The following SLC26A5 variants were observed in gnomAD, a reference collection of about 807,000 sequenced individuals.
SLC26A5 encodes the protein solute carrier family 26 member 5.
A neutral mutation model predicts 81.0 loss-of-function variants in SLC26A5; 51 were observed. The observed-to-expected ratio is 0.63, with a 90% CI of 0.50 to 0.80. The LOEUF (loss-of-function observed/expected upper bound fraction) is 0.80, where lower values mean the gene tolerates loss of function less well. Ranked by LOEUF, SLC26A5 falls within the 30% of genes least tolerant of loss-of-function variation. The pLI is 0.00. For synonymous variants in SLC26A5, 325 were observed against 332.8 expected (o/e 0.98, Z 0.25); for missense variants, 771 against 905.8 (o/e 0.85, Z 1.91).
At chr7:103,408,803 G>C (rs951884125) in intron 7 of SLC26A5, among the ~76,000 whole-genome samples, 8 of 152,008 alleles carry the variant, frequency 5.3e-5, no homozygotes, top group African/African-American at 1.9e-4. Flanking sequence ...TTATATCCTA[G>C]GGTTACCAAC....
intron 4 of SLC26A5, among the ~76,000 whole-genome samples, chr7:103,415,288 A>G (rs533180227): frequency 6.6e-6 from 1 of 152,342 alleles, no homozygotes; most frequent in African/African-American, 2.4e-5. Context: ...GGCTCTCTGG[A>G]AGAGCCAGCT....
At chr7:103,360,941 G>A (rs571466818) in intron 19 of SLC26A5, among the ~76,000 whole-genome samples, 3 of 151,560 alleles carry the variant, frequency 2.0e-5, no homozygotes, top group South Asian at 2.1e-4. Flanking sequence ...GTGAAACCCC[G>A]TATATATTAA....
downstream of SLC26A5, among the ~76,000 whole-genome samples, chr7:103,369,862 C>T (rs192558563): frequency 3.9e-5 from 6 of 152,258 alleles, no homozygotes; most frequent in Non-Finnish European, 8.8e-5. Context: ...TAAAAAACTC[C>T]GTTTTCATGA....
chr7:103,414,189 CCT>C lies in SLC26A5; in HGVS notation c.293-1079_293-1078del, dbSNP rs1491181743. Among the ~76,000 whole-genome samples the C allele has an allele frequency of 5.7e-3, 776 of 136,366 alleles. 13 individuals are homozygous for C. The highest frequency in any genetic ancestry group is 0.021 in the African/African-American group (735 of 35,578). The allele number at this position is 136,366 out of a possible 152,430, so 89.5% of individuals were successfully genotyped here. A position where few individuals can be genotyped will look rare whatever the true frequency, so the allele number is the denominator to read the frequency against. ...TACTGTCTTTGAAGTTTTGCCCCCC[CCT>C]TTTTTTTTTTTTAAGACAGGGTCTT... is the stretch of plus-strand genomic sequence containing the variant. On this transcript the variant is annotated intron_variant, in intron 4 of 19. Coordinates refer to ENST00000306312, the MANE Select transcript of SLC26A5 (RefSeq NM_198999.3).
At chr7:103,401,152 A>G (rs767892403) in intron 8 of SLC26A5, among the ~76,000 whole-genome samples, 4 of 152,224 alleles carry the variant, frequency 2.6e-5, no homozygotes, top group Admixed American at 6.5e-5. Context: ...TCTATAAATT[A>G]CTTTGGGCAG....
At chr7:103,388,957 C>G (rs1464901819) in intron 14 of SLC26A5, 51 bp downstream of exon 14, 1 of 1,371,068 alleles carries the variant, frequency 7.3e-7, no homozygotes, top group South Asian at 1.2e-5. Flanking sequence ...CTAAAGTCAA[C>G]ATTGTCATCT....
At chr7:103,407,808 C>G (rs544315365) in intron 8 of SLC26A5, 43 bp downstream of exon 8, 2 of 1,606,506 alleles carry the variant, frequency 1.2e-6, no homozygotes, top group Non-Finnish European at 1.7e-6. Context: ...TAAGTAAATG[C>G]AGTTGTAGAA....
intron 5 of SLC26A5, among the ~76,000 whole-genome samples, chr7:103,411,901 A>C (rs1018079710): frequency 1.3e-5 from 2 of 152,200 alleles, no homozygotes; most frequent in Non-Finnish European, 2.9e-5. Flanking sequence ...TAGTAATCAA[A>C]AGAATGCAGC....
intron 19 of SLC26A5, among the ~76,000 whole-genome samples, chr7:103,364,952 G>GACAT (rs1167644445): frequency 4.5e-4 from 20 of 44,644 alleles, no homozygotes; most frequent in African/African-American, 5.4e-4. Flanking sequence ...TATGTTTGTA[G>GACAT]ACATACATAT....
chr7:103,384,243 A>T (rs2116413539), intron 14 of SLC26A5, among the ~76,000 whole-genome samples: 1 of 152,048 alleles, frequency 6.6e-6, no homozygotes, highest in Non-Finnish European at 1.5e-5. Context: ...TTGGCCTCCT[A>T]AATTGCTGGG....
chr7:103,358,067 T>G (rs1202914841), intron 19 of SLC26A5, among the ~76,000 whole-genome samples: 1 of 152,218 alleles, frequency 6.6e-6, no homozygotes, highest in Admixed American at 6.5e-5. Flanking sequence ...ATACATCCTC[T>G]GGTAGCTTCT....
chr7:103,374,198 A>G, downstream of SLC26A5: 2 of 1,375,798 alleles, frequency 1.5e-6, no homozygotes, highest in Non-Finnish European at 1.9e-6. Context: ...AATGCAGGCA[A>G]CAGGCCAATT....
chr7:103,362,284 C>A, intron 19 of SLC26A5: 1 of 1,406,056 alleles, frequency 7.1e-7, no homozygotes, highest in Non-Finnish European at 9.2e-7. Flanking sequence ...GACTCCCCTA[C>A]TCCCACTGTT....
At chr7:103,414,403 C>A (rs916922623) in intron 4 of SLC26A5, among the ~76,000 whole-genome samples, 1 of 152,018 alleles carries the variant, frequency 6.6e-6, no homozygotes, top group Admixed American at 6.6e-5. Flanking sequence ...TCTTGAACTC[C>A]TAGGCTCAGG....
intron 4 of SLC26A5, among the ~76,000 whole-genome samples, chr7:103,418,418 A>T (rs1251106206): frequency 6.6e-6 from 1 of 152,190 alleles, no homozygotes; most frequent in East Asian, 1.9e-4. Flanking sequence ...TCATTCCTGC[A>T]GCTCCGTCAG....
intron 2 of SLC26A5, among the ~76,000 whole-genome samples, chr7:103,422,563 T>A (rs1399906987): frequency 6.6e-6 from 1 of 152,104 alleles, no homozygotes; most frequent in African/African-American, 2.4e-5. Context: ...GAGATCAGGA[T>A]GGTGTTACCT....
At chr7:103,379,042 G>A (rs541274602) in intron 16 of SLC26A5, among the ~76,000 whole-genome samples, 5 of 152,252 alleles carry the variant, frequency 3.3e-5, no homozygotes, top group Admixed American at 6.5e-5. Flanking sequence ...CAATGTTTAT[G>A]TACTTAATGC....
intron 9 of SLC26A5, among the ~76,000 whole-genome samples, chr7:103,395,524 T>TA (rs1563538101): frequency 0.059 from 846 of 14,410 alleles, 2 homozygotes; most frequent in Non-Finnish European, 0.094. Flanking sequence ...TATATATAAA[T>TA]TTTTTTTTTT....
intron 1 of SLC26A5, chr7:103,445,871 A>C (rs1827269525): frequency 6.6e-6 from 1 of 152,570 alleles, no homozygotes; most frequent in Non-Finnish European, 1.5e-5. Context: ...TTGCAAAGGA[A>C]AGAGCTTCGT....
Sources: gnomAD v4.1 joint callset for allele counts (sites outside exome capture counted in the v4.1 genomes callset) on GRCh38, gnomAD v4.1.1 for gene constraint, MANE v1.5 for transcripts, NCBI Gene and HGNC (gene_info 2026-07-23, HGNC 2026-07-21) for gene names.